CNTNAP2: variants seen among roughly 807,000 people sequenced by gnomAD.
CNTNAP2 encodes contactin associated protein 2.
A neutral mutation model predicts 155.2 loss-of-function variants in CNTNAP2; 98 were observed. The observed-to-expected ratio is 0.63, with a 90% CI of 0.54 to 0.75. The LOEUF (loss-of-function observed/expected upper bound fraction) is 0.75. Ranked by LOEUF, CNTNAP2 falls within the 30% of genes least tolerant of loss-of-function variation. The pLI is 0.00. For synonymous variants in CNTNAP2, 651 were observed against 631.2 expected (o/e 1.03, Z -0.47); for missense variants, 1,727 against 1,688.1 (o/e 1.02, Z -0.40).
At chr7:148,301,350 T>C (rs1173334895) in intron 21 of CNTNAP2, among the ~76,000 whole-genome samples, 2 of 131,450 alleles carry the variant, frequency 1.5e-5, no homozygotes, top group African/African-American at 5.6e-5. Context: ...TTATGTTAGG[T>C]ACATTTTACT....
intron 11 of CNTNAP2, among the ~76,000 whole-genome samples, chr7:147,495,760 G>T (rs7779464): frequency 6.6e-6 from 1 of 151,948 alleles, no homozygotes; most frequent in Admixed American, 6.6e-5. Context: ...TTTTTAAATC[G>T]TGAAACAACT....
chr7:147,940,211 A>G lies in CNTNAP2; in HGVS notation c.2255+36490A>G, dbSNP rs149671857. The G allele has an allele frequency of 8.3e-3, 1,246 of 150,670 alleles. 14 individuals carry two copies. Among genetic ancestry groups the G allele is most frequent in the African/African-American group, 0.029 (1,204 of 41,048 alleles). 9.3% of individuals were successfully genotyped at this position (150,670 alleles called of 1,614,324 possible). A position where few individuals can be genotyped will look rare whatever the true frequency, so the allele number is the denominator to read the frequency against. ...AACCAAGCCAAGTGAGAAACGGAGC[A>G]GGTCAAAATTTCCATTCTGATCGGC... On this transcript the variant is annotated intron_variant, in intron 14 of 23. Transcript: ENST00000361727.
intron 13 of CNTNAP2, among the ~76,000 whole-genome samples, chr7:147,791,083 GT>G (rs1271731827): frequency 3.3e-5 from 5 of 152,034 alleles, no homozygotes; most frequent in Non-Finnish European, 7.4e-5. Flanking sequence ...CTAGTTGCAC[GT>G]TTTGTCTTTC....
chr7:146,247,631 A>C (rs894565682), intron 1 of CNTNAP2, among the ~76,000 whole-genome samples: 2 of 152,080 alleles, frequency 1.3e-5, no homozygotes, highest in South Asian at 2.1e-4. Flanking sequence ...TTACGACAAT[A>C]ATTATTTAGA....
chr7:148,397,405 C>G (rs1171586980), intron 22 of CNTNAP2, among the ~76,000 whole-genome samples: 2 of 152,204 alleles, frequency 1.3e-5, no homozygotes, highest in Non-Finnish European at 1.5e-5. Flanking sequence ...ATTTCAGATT[C>G]AGTTATTTTT....
chr7:146,640,861 C>T (rs1188627539), intron 1 of CNTNAP2, among the ~76,000 whole-genome samples: 3 of 152,138 alleles, frequency 2.0e-5, no homozygotes, highest in Non-Finnish European at 4.4e-5. Context: ...GGAAACAAAT[C>T]TCACTGTTAG....
chr7:147,128,674 T>A lies in CNTNAP2; in HGVS notation c.940-19T>A. 1.9e-6 allele frequency: 3 copies of A among 1,613,800 alleles called. No individual in the cohort carries two copies. The highest frequency in any genetic ancestry group is 2.2e-5 in the East Asian group (1 of 44,862). On this transcript the variant is annotated intron_variant, in intron 6 of 23. Coordinates refer to ENST00000361727, the MANE Select transcript of CNTNAP2 (RefSeq NM_014141.6). ...ATAATACAATGTGGACGTTTACATT[T>A]AATTTCTTTTTCTCAAAGATAACCT...
At chr7:146,360,132 G>A (rs942394524) in intron 1 of CNTNAP2, among the ~76,000 whole-genome samples, 15 of 152,156 alleles carry the variant, frequency 9.9e-5, no homozygotes, top group African/African-American at 2.9e-4. Flanking sequence ...ACCTACTTTC[G>A]AATGCCTGAA....
intron 21 of CNTNAP2, among the ~76,000 whole-genome samples, chr7:148,282,476 G>A (rs1413391465): frequency 6.6e-6 from 1 of 152,174 alleles, no homozygotes; most frequent in East Asian, 1.9e-4. Context: ...GCTTTGTTAG[G>A]AAGATGAAAG....
chr7:146,857,500 C>G (rs995130800), intron 3 of CNTNAP2, among the ~76,000 whole-genome samples: 2 of 152,128 alleles, frequency 1.3e-5, no homozygotes, highest in Admixed American at 1.3e-4. Context: ...TAATCTTAAA[C>G]CACTAATTGA....
chr7:146,231,764 G>C (rs1271124271), intron 1 of CNTNAP2, among the ~76,000 whole-genome samples: 1 of 152,136 alleles, frequency 6.6e-6, no homozygotes, highest in African/African-American at 2.4e-5. Context: ...GTGAGGATTG[G>C]TTTCTCGTGG....
At chr7:146,904,700 T>C (rs1796082701) in intron 3 of CNTNAP2, among the ~76,000 whole-genome samples, 1 of 152,146 alleles carries the variant, frequency 6.6e-6, no homozygotes, top group Non-Finnish European at 1.5e-5. Context: ...CTCGATCTCC[T>C]GACCTCGTGA....
At chr7:147,226,183 T>C (rs1803539613) in intron 8 of CNTNAP2, among the ~76,000 whole-genome samples, 1 of 152,128 alleles carries the variant, frequency 6.6e-6, no homozygotes. Context: ...ATCCCTTCTT[T>C]GCAATGTTCT....
At chr7:146,281,894 A>G (rs576046030) in intron 1 of CNTNAP2, among the ~76,000 whole-genome samples, 7 of 152,334 alleles carry the variant, frequency 4.6e-5, no homozygotes, top group African/African-American at 1.7e-4. Flanking sequence ...AATAATGTGC[A>G]TAAAATTTAT....
chr7:146,937,248 G>C (rs979924081), intron 3 of CNTNAP2, among the ~76,000 whole-genome samples: 5 of 151,750 alleles, frequency 3.3e-5, no homozygotes, highest in African/African-American at 1.2e-4. Flanking sequence ...AAACTTAGCA[G>C]GGTGTGGTGG....
intron 3 of CNTNAP2, among the ~76,000 whole-genome samples, chr7:147,042,627 T>C (rs1319475929): frequency 2.0e-5 from 3 of 152,160 alleles, no homozygotes; most frequent in African/African-American, 7.2e-5. Flanking sequence ...AGATAATTTT[T>C]TTAAAAGACA....
chr7:148,221,423 G>A (rs769099911), intron 19 of CNTNAP2, among the ~76,000 whole-genome samples: 49 of 152,124 alleles, frequency 3.2e-4, no homozygotes, highest in African/African-American at 4.3e-4. Context: ...GCTCCCCACC[G>A]GCTGTACTCT....
intron 9 of CNTNAP2, among the ~76,000 whole-genome samples, chr7:147,331,014 C>T (rs1795556451): frequency 2.0e-5 from 3 of 152,242 alleles, no homozygotes; most frequent in Admixed American, 2.0e-4. Flanking sequence ...ATGTTTGGCC[C>T]TGGGAGTTGA....
intron 18 of CNTNAP2, among the ~76,000 whole-genome samples, chr7:148,181,459 T>G (rs1795036910): frequency 6.6e-6 from 1 of 152,218 alleles, no homozygotes; most frequent in Non-Finnish European, 1.5e-5. Flanking sequence ...AATTTTGACT[T>G]AATTCAGAAA....
Sources: gnomAD v4.1 joint callset for allele counts (sites outside exome capture counted in the v4.1 genomes callset) on GRCh38, gnomAD v4.1.1 for gene constraint, MANE v1.5 for transcripts, NCBI Gene and HGNC (gene_info 2026-07-23, HGNC 2026-07-21) for gene names.